Variants in ATXN7 observed in about 807,000 individuals in gnomAD.
The protein encoded by ATXN7 is ataxin 7.
ATXN7 carries 12 observed loss-of-function variants against 70.5 expected under a neutral mutation model. The ratio of observed to expected loss-of-function variants is 0.17; its 90% CI spans 0.11 to 0.28. The LOEUF is 0.28. Ranked by LOEUF, ATXN7 falls within the 10% of genes least tolerant of loss-of-function variation. The pLI, the probability that ATXN7 is intolerant of heterozygous loss-of-function variation, is 1.00. For synonymous variants in ATXN7, 498 were observed against 448.7 expected (o/e 1.11, Z -1.39); for missense variants, 1,256 against 1,131.7 (o/e 1.11, Z -1.58).
rs778202534 is a variant in ATXN7, at chr3:63,996,362, A to G, written c.2540A>G (p.Asn847Ser). Residue 847 changes from asparagine (N) to serine (S), a missense_variant, in exon 12 of 13, where the codon AAC becomes AGC. Asn to Ser is a conservative substitution (Grantham distance 46). Transcript: ENST00000674280. ...RKCSPSSSSI[N>S]NSSSKPTKVA... The stretch of plus-strand genomic sequence containing the variant: ...TGCTCACCCAGCTCGAGCAGCATCA[A>G]CAACAGCAGCAGCAAACCCACAAAG... 1.9e-6 allele frequency: 3 copies of G among 1,614,172 alleles called. No homozygotes were observed. Among genetic ancestry groups the G allele is most frequent in the East Asian group, 2.2e-5 (1 of 44,868 alleles).
chr3:63,971,929 T>G (rs2075318384), intron 5 of ATXN7, among the ~76,000 whole-genome samples: 1 of 152,082 alleles, frequency 6.6e-6, no homozygotes, highest in African/African-American at 2.4e-5. Flanking sequence ...GTTTTTTTTG[T>G]TTTTGTTTTT....
In ATXN7 at chr3:63,999,838, G is replaced by C. The variant is rs2075815713; in HGVS notation, c.*371G>C. On this transcript the variant is annotated 3_prime_UTR_variant, in exon 13 of 13. Transcript: ENST00000674280. ...GCTGGGCAAAAGAATGTTTTGGCAA[G>C]AGCGTTACTGTAGACCTTTCTCCCT... The C allele has an allele frequency of 7.6e-6, 3 of 397,090 alleles. No homozygotes were observed. In the South Asian group the frequency reaches 9.2e-5, roughly 12 times the overall value. 24.6% of individuals were successfully genotyped at this position (397,090 alleles called of 1,614,324 possible).
At chr3:63,914,893 C>T (rs1389176933) in intron 4 of ATXN7, among the ~76,000 whole-genome samples, 1 of 152,128 alleles carries the variant, frequency 6.6e-6, no homozygotes, top group Non-Finnish European at 1.5e-5. Context: ...ACTTGAGGCA[C>T]AAAAGGGACA....
At chr3:63,923,800 G>A (rs537428845) in intron 4 of ATXN7, among the ~76,000 whole-genome samples, 1 of 152,082 alleles carries the variant, frequency 6.6e-6, no homozygotes, top group South Asian at 2.1e-4. Flanking sequence ...GTCACAAAAA[G>A]TAAAAAAGAA....
chr3:63,898,638 A>G (rs2107262962), intron 2 of ATXN7, 141 bp downstream of exon 2: 1 of 152,362 alleles, frequency 6.6e-6, no homozygotes, highest in South Asian at 2.1e-4. Context: ...GTAATCCTGA[A>G]TATGATCTTA....
Position 64,002,180 on chromosome 3 carries a change from T to C in ATXN7, c.*2713T>C, listed in dbSNP as rs2075840024. Reference sequence around the variant, plus strand: ...AAATATGTATTTTTGCACAGGTCTTTTTTTCTGATATCCTGTTTTGGTACA... The same window carrying C: ...AAATATGTATTTTTGCACAGGTCTTCTTTTCTGATATCCTGTTTTGGTACA... On this transcript the variant is annotated 3_prime_UTR_variant, in exon 13 of 13. Coordinates refer to ENST00000674280, the MANE Select transcript of ATXN7 (RefSeq NM_001377405.1). 6.6e-6 allele frequency: 1 copy of C among 152,586 alleles called. No individual in the cohort carries two copies. Among genetic ancestry groups the C allele is most frequent in the African/African-American group, 2.4e-5 (1 of 41,434 alleles). 9.5% of individuals were successfully genotyped at this position (152,586 alleles called of 1,614,324 possible).
chr3:63,985,473 G>T (rs1342657066), intron 8 of ATXN7, among the ~76,000 whole-genome samples: 3 of 152,100 alleles, frequency 2.0e-5, no homozygotes, highest in Non-Finnish European at 4.4e-5. Context: ...TCATTGTTTT[G>T]TCAGTTCTTT....
chr3:63,948,037 G>A (rs2074892395), intron 4 of ATXN7, among the ~76,000 whole-genome samples: 2 of 152,148 alleles, frequency 1.3e-5, no homozygotes, highest in Non-Finnish European at 2.9e-5. Context: ...TTTAAACAGG[G>A]GAGTGATGTG....
intron 2 of ATXN7, among the ~76,000 whole-genome samples, chr3:63,910,215 G>T (rs931220665): frequency 2.6e-5 from 4 of 152,158 alleles, no homozygotes; most frequent in African/African-American, 9.7e-5. Flanking sequence ...TCCAAAAGAG[G>T]AAAGTCAAGC....
intron 5 of ATXN7, among the ~76,000 whole-genome samples, chr3:63,974,505 G>T (rs2075361569): frequency 6.6e-6 from 1 of 152,244 alleles, no homozygotes; most frequent in South Asian, 2.1e-4. Context: ...GCTGGAGTCA[G>T]CCTGCCTGGG....
chr3:63,903,055 TATC>T (rs770295546), intron 2 of ATXN7, among the ~76,000 whole-genome samples: 22 of 151,410 alleles, frequency 1.5e-4, no homozygotes, highest in East Asian at 9.7e-4. Flanking sequence ...TGCATAGACT[TATC>T]ATCATCATCA....
chr3:63,995,480 T>C (rs762936502), intron 11 of ATXN7, 25 bp from the exon 12 acceptor site: 1 of 1,612,794 alleles, frequency 6.2e-7, no homozygotes, highest in Non-Finnish European at 8.5e-7. Flanking sequence ...GTCAGTGTCA[T>C]TCACTGTCCT....
intron 2 of ATXN7, among the ~76,000 whole-genome samples, chr3:63,899,714 C>G (rs961299583): frequency 3.9e-5 from 6 of 152,126 alleles, no homozygotes; most frequent in Admixed American, 3.3e-4. Context: ...CCTGGGTTCA[C>G]GCAATTCTGC....
chr3:63,982,882 A>C, intron 7 of ATXN7, 57 bp from the exon 8 acceptor site: 1 of 1,354,184 alleles, frequency 7.4e-7, no homozygotes. Context: ...TCTTGCTTAA[A>C]AAATACATGG....
At chr3:63,899,758 C>T (rs1053761517) in intron 2 of ATXN7, among the ~76,000 whole-genome samples, 20 of 152,086 alleles carry the variant, frequency 1.3e-4, no homozygotes, top group Non-Finnish European at 1.8e-4. Context: ...GGACTACAGG[C>T]GCCTGCCGCC....
chr3:63,978,537 C>T (rs73117102), intron 5 of ATXN7, among the ~76,000 whole-genome samples: 3,043 of 152,262 alleles, frequency 0.02, 52 homozygotes, highest in Non-Finnish European at 0.033. Context: ...TCTTCAGATG[C>T]CAAATTTGGA....
chr3:63,989,287 C>T (rs1378782525), intron 9 of ATXN7, among the ~76,000 whole-genome samples: 1 of 152,144 alleles, frequency 6.6e-6, no homozygotes, highest in African/African-American at 2.4e-5. Flanking sequence ...GAAGTTTTTG[C>T]ATCTAGAAAA....
In ATXN7 at chr3:63,990,642, C is replaced by T. The variant is rs2106787787; in HGVS notation, c.1561-96C>T. 2.5e-6 allele frequency: 4 copies of T among 1,581,892 alleles called. No individual in the cohort carries two copies. The East Asian group carries it at 6.7e-5, about 27-fold the overall frequency. Reference sequence around the variant, plus strand: ...CTCCGGTACTCAGAGGCAGTTCTGTCTTTCCTGATTAGCTCCTTTCCTGAA... The same window carrying T: ...CTCCGGTACTCAGAGGCAGTTCTGTTTTTCCTGATTAGCTCCTTTCCTGAA... On this transcript the variant is annotated intron_variant, in intron 10 of 12. Coordinates refer to ENST00000674280, the MANE Select transcript of ATXN7 (RefSeq NM_001377405.1).
intron 5 of ATXN7, among the ~76,000 whole-genome samples, chr3:63,964,883 G>A (rs564386083): frequency 1.3e-5 from 2 of 152,310 alleles, no homozygotes; most frequent in African/African-American, 4.8e-5. Context: ...TAAAGCTCCT[G>A]TAAGTGCCAA....
Sources: gnomAD v4.1 joint callset for allele counts (sites outside exome capture counted in the v4.1 genomes callset) on GRCh38, gnomAD v4.1.1 for gene constraint, MANE v1.5 for transcripts, NCBI Gene and HGNC (gene_info 2026-07-23, HGNC 2026-07-21) for gene names.